The following ZNF804B variants were observed in gnomAD, a reference collection of about 807,000 sequenced individuals.
The protein encoded by ZNF804B is zinc finger protein 804B.
ZNF804B carries 80 observed loss-of-function variants against 101.4 expected under a neutral mutation model. The observed-to-expected ratio is 0.79, with a 90% CI of 0.66 to 0.95. The LOEUF (loss-of-function observed/expected upper bound fraction) is 0.95. Among genes scored for constraint, ZNF804B ranks in the 40% least tolerant of loss-of-function variants. The pLI, the probability that ZNF804B is intolerant of heterozygous loss-of-function variation, is 0.00. For synonymous variants in ZNF804B, 622 were observed against 558.8 expected (o/e 1.11, Z -1.59); for missense variants, 1,673 against 1,561.9 (o/e 1.07, Z -1.20).
intron 1 of ZNF804B, among the ~76,000 whole-genome samples, chr7:88,937,805 T>A (rs550773750): frequency 8.7e-4 from 133 of 152,186 alleles, no homozygotes; most frequent in South Asian, 1.7e-3. Flanking sequence ...TCCAAAGCCC[T>A]ACCCAAGTTT....
At chr7:88,991,632 G>C (rs1022398605) in intron 1 of ZNF804B, among the ~76,000 whole-genome samples, 1 of 152,148 alleles carries the variant, frequency 6.6e-6, no homozygotes, top group Non-Finnish European at 1.5e-5. Flanking sequence ...TCTGCCTGTG[G>C]GGTAGCCCTC....
intron 1 of ZNF804B, among the ~76,000 whole-genome samples, chr7:89,197,179 A>T (rs1433423321): frequency 6.6e-5 from 10 of 152,074 alleles, no homozygotes; most frequent in African/African-American, 1.9e-4. Context: ...ACAATCCTGC[A>T]CATCCTGCAG....
rs1376061964 is a variant in ZNF804B at position 89,146,430 on chromosome 7, A to G, written c.109-71725A>G. 3.9e-5 allele frequency among the ~76,000 whole-genome samples: 6 copies of G among 152,222 alleles called. No individual in the cohort carries two copies. In the South Asian group the frequency reaches 1.0e-3, roughly 26 times the overall value. ...TCTAAATGAAATAAATTGGAAATCA[A>G]CAATGGATATAATTGACAAGCTGGA... On this transcript the variant is annotated intron_variant, in intron 1 of 3. Coordinates refer to ENST00000333190, the MANE Select transcript of ZNF804B (RefSeq NM_181646.5).
At chr7:88,898,656 T>C (rs1474090748) in intron 1 of ZNF804B, among the ~76,000 whole-genome samples, 1 of 152,156 alleles carries the variant, frequency 6.6e-6, no homozygotes, top group Non-Finnish European at 1.5e-5. Context: ...CATCTCAGTC[T>C]TTACCTTCCC....
At chr7:89,254,942 A>G (rs941854188) in intron 2 of ZNF804B, among the ~76,000 whole-genome samples, 2 of 152,182 alleles carry the variant, frequency 1.3e-5, no homozygotes, top group South Asian at 4.1e-4. Flanking sequence ...CACCACGCTC[A>G]GCCAGGACTG....
At chr7:88,807,540 A>T (rs145765437) in intron 1 of ZNF804B, among the ~76,000 whole-genome samples, 1 of 152,172 alleles carries the variant, frequency 6.6e-6, no homozygotes, top group African/African-American at 2.4e-5. Context: ...GGGAAATACA[A>T]TCAGTGTGTC....
At position 89,235,194 on chromosome 7, in the gene ZNF804B, C is replaced by A. The variant is rs559477030; in HGVS notation, c.249+16899C>A. 2.8e-4 allele frequency among the ~76,000 whole-genome samples: 43 copies of A among 152,176 alleles called. No homozygotes were observed. The South Asian group carries it at 8.5e-3, about 30-fold the overall frequency. On this transcript the variant is annotated intron_variant, in intron 2 of 3. Transcript: ENST00000333190. ...CAAAACAAAAAAGTAAAAATATAAT[C>A]AAACCTTTCCTCACTCAACTAGAAA...
Position 89,289,621 on chromosome 7 carries a change from A to C in ZNF804B, c.250-37723A>C, listed in dbSNP as rs148040030. Among the ~76,000 whole-genome samples, 1,361 of 152,024 alleles carry C rather than the reference A, an allele frequency of 9.0e-3. 11 individuals carry two copies. Among genetic ancestry groups the C allele is most frequent in the Non-Finnish European group, 0.015 (1,005 of 67,944 alleles). Reference sequence around the variant, plus strand: ...CCTGTCATAGCAAAAAGCAAAACCCAGCTGAACTCAGCTGGTGCCCATTCA... The same window carrying C: ...CCTGTCATAGCAAAAAGCAAAACCCCGCTGAACTCAGCTGGTGCCCATTCA... On this transcript the variant is annotated intron_variant, in intron 2 of 3. Coordinates refer to ENST00000333190, the MANE Select transcript of ZNF804B (RefSeq NM_181646.5).
intron 1 of ZNF804B, among the ~76,000 whole-genome samples, chr7:89,075,603 G>A (rs1025098079): frequency 1.3e-5 from 2 of 152,230 alleles, no homozygotes; most frequent in Non-Finnish European, 2.9e-5. Flanking sequence ...GAGAACATCT[G>A]CTAGCCCAGT....
intron 2 of ZNF804B, among the ~76,000 whole-genome samples, chr7:89,298,215 T>TAC: frequency 1.6e-5 from 1 of 62,364 alleles, no homozygotes; most frequent in East Asian, 4.8e-4. Flanking sequence ...TGTGTGTGTG[T>TAC]GTATATATAT....
intron 3 of ZNF804B, among the ~76,000 whole-genome samples, chr7:89,329,079 G>T (rs1023832184): frequency 6.6e-6 from 1 of 151,610 alleles, no homozygotes; most frequent in Non-Finnish European, 1.5e-5. Context: ...CAAATAAAAA[G>T]GTCCACTCTA....
rs77960570 is a variant in ZNF804B at position 88,796,174 on chromosome 7, A to G, written c.108+36090A>G. Among the ~76,000 whole-genome samples the G allele has an allele frequency of 3.7e-4, 57 of 152,216 alleles. No homozygotes were observed. The East Asian group carries it at 7.2e-3, about 19-fold the overall frequency. On this transcript the variant is annotated intron_variant, in intron 1 of 3. Transcript: ENST00000333190. ...TAAGAGATGCATCTCTTAAAATTGC[A>G]TCCACATGAGTTCTAAACAGTAATT...
intron 1 of ZNF804B, among the ~76,000 whole-genome samples, chr7:88,988,291 A>T (rs1274621819): frequency 2.0e-5 from 3 of 152,072 alleles, no homozygotes; most frequent in Non-Finnish European, 4.4e-5. Flanking sequence ...TAGTAAAAAA[A>T]GTCACTAAGG....
intron 1 of ZNF804B, among the ~76,000 whole-genome samples, chr7:88,825,575 A>G (rs1270287273): frequency 1.3e-5 from 2 of 152,098 alleles, no homozygotes; most frequent in African/African-American, 2.4e-5. Context: ...TCAAAGTAAT[A>G]TAACAGAATC....
At chr7:89,150,696 G>T (rs1373578815) in intron 1 of ZNF804B, among the ~76,000 whole-genome samples, 1 of 152,074 alleles carries the variant, frequency 6.6e-6, no homozygotes, top group East Asian at 1.9e-4. Context: ...AGATGCAGTT[G>T]AAAAATGAAA....
chr7:88,956,257 C>T (rs1222972679), intron 1 of ZNF804B, among the ~76,000 whole-genome samples: 2 of 151,402 alleles, frequency 1.3e-5, no homozygotes, highest in African/African-American at 4.8e-5. Context: ...GGAAAGAAAA[C>T]CAGTGTATCA....
At chr7:88,871,861 C>G (rs141251461) in intron 1 of ZNF804B, among the ~76,000 whole-genome samples, 2,169 of 151,882 alleles carry the variant, frequency 0.014, 53 homozygotes, top group African/African-American at 0.049. Flanking sequence ...CCAGCTACTA[C>G]GGAGGCTGAG....
chr7:89,272,312 A>C (rs1584096002), intron 2 of ZNF804B, among the ~76,000 whole-genome samples: 1 of 152,208 alleles, frequency 6.6e-6, no homozygotes, highest in Non-Finnish European at 1.5e-5. Flanking sequence ...ATCATACTTA[A>C]TTTATTTTTG....
chr7:88,802,387 C>A (rs970390735), intron 1 of ZNF804B, among the ~76,000 whole-genome samples: 1 of 152,034 alleles, frequency 6.6e-6, no homozygotes, highest in Non-Finnish European at 1.5e-5. Context: ...TTTATGCATT[C>A]ATTTTTGTTT....
Sources: gnomAD v4.1 joint callset for allele counts (sites outside exome capture counted in the v4.1 genomes callset) on GRCh38, gnomAD v4.1.1 for gene constraint, MANE v1.5 for transcripts, NCBI Gene and HGNC (gene_info 2026-07-23, HGNC 2026-07-21) for gene names.